The following MBD5 variants were observed in gnomAD, a reference collection of about 807,000 sequenced individuals.
MBD5 encodes methyl-CpG-binding domain protein 5.
MBD5 carries 13 observed loss-of-function variants against 117.3 expected under a neutral mutation model. That is an observed-to-expected ratio of 0.11 (90% CI 0.07 to 0.18). The LOEUF (loss-of-function observed/expected upper bound fraction) is 0.18. Ranked by LOEUF, MBD5 falls within the 10% of genes least tolerant of loss-of-function variation. MBD5 has a pLI of 1.00. For missense variants in MBD5, 1,879 were observed against 2,093.8 expected, an observed-to-expected ratio of 0.90 and a Z score of 2.00; for synonymous variants, 727 against 766.4, an observed-to-expected ratio of 0.95 and a Z score of 0.85.
chr2:148,425,137 C>T (rs181267148), intron 4 of MBD5, among the ~76,000 whole-genome samples: 83 of 151,892 alleles, frequency 5.5e-4, no homozygotes, highest in Non-Finnish European at 9.1e-4. Flanking sequence ...AGACCACTAG[C>T]CAGACTAATA....
intron 4 of MBD5, among the ~76,000 whole-genome samples, chr2:148,367,847 G>A (rs1259326084): frequency 1.3e-5 from 2 of 151,976 alleles, no homozygotes; most frequent in Non-Finnish European, 2.9e-5. Flanking sequence ...GAAGGGGATG[G>A]GGAGAAATAG....
chr2:148,236,678 C>T (rs1700098086), intron 3 of MBD5, among the ~76,000 whole-genome samples: 1 of 152,034 alleles, frequency 6.6e-6, no homozygotes, highest in Non-Finnish European at 1.5e-5. Flanking sequence ...TCTTAAGGGC[C>T]CTGGGATTAT....
At chr2:148,266,333 A>G (rs1700859834) in intron 3 of MBD5, among the ~76,000 whole-genome samples, 1 of 152,140 alleles carries the variant, frequency 6.6e-6, no homozygotes. Context: ...AGCATTCAAT[A>G]AAATTGAACA....
chr2:148,438,815 G>C (rs948789377), intron 4 of MBD5, among the ~76,000 whole-genome samples: 1 of 152,294 alleles, frequency 6.6e-6, no homozygotes. Context: ...GAAGAGACCT[G>C]TTTGCCTTTT....
intron 1 of MBD5, among the ~76,000 whole-genome samples, chr2:148,061,848 C>T (rs1695044507): frequency 6.6e-6 from 1 of 151,520 alleles, no homozygotes; most frequent in Non-Finnish European, 1.5e-5. Flanking sequence ...CTTTAGAAAG[C>T]TTTAGATTTT....
intron 1 of MBD5, among the ~76,000 whole-genome samples, chr2:148,123,649 T>C (rs539346309): frequency 3.2e-4 from 48 of 152,348 alleles, no homozygotes; most frequent in African/African-American, 1.0e-3. Flanking sequence ...ACTGGAAATT[T>C]ACCTCTAATA....
intron 3 of MBD5, among the ~76,000 whole-genome samples, chr2:148,268,068 G>A (rs989504443): frequency 1.1e-4 from 16 of 150,322 alleles, no homozygotes; most frequent in Admixed American, 3.3e-4. Context: ...TCCCACCTTG[G>A]CCTCCTGAGT....
At chr2:148,414,375 C>G (rs1406454288) in intron 4 of MBD5, among the ~76,000 whole-genome samples, 2 of 152,128 alleles carry the variant, frequency 1.3e-5, no homozygotes, top group African/African-American at 4.8e-5. Flanking sequence ...AATTCTCTTA[C>G]AGCCAAATGT....
chr2:148,364,555 C>A (rs1703638144), intron 4 of MBD5, among the ~76,000 whole-genome samples: 1 of 152,014 alleles, frequency 6.6e-6, no homozygotes, highest in South Asian at 2.1e-4. Flanking sequence ...GCAAATCGGA[C>A]AAAGTGTCAA....
intron 1 of MBD5, among the ~76,000 whole-genome samples, chr2:148,072,240 A>T (rs1421355196): frequency 6.6e-6 from 1 of 152,218 alleles, no homozygotes; most frequent in East Asian, 1.9e-4. Context: ...TAGACTACAC[A>T]AACTTATGTA....
intron 4 of MBD5, chr2:148,346,899 A>G (rs1263018010): frequency 6.6e-6 from 1 of 151,886 alleles, no homozygotes; most frequent in Non-Finnish European, 1.5e-5. Context: ...AAAAACTATT[A>G]TAGAAAGTCA....
At chr2:148,170,009 C>T (rs376870689) in intron 1 of MBD5, among the ~76,000 whole-genome samples, 25 of 152,078 alleles carry the variant, frequency 1.6e-4, no homozygotes, top group South Asian at 6.2e-4. Flanking sequence ...GCCATTCTCC[C>T]GCCTCAGCCT....
chr2:148,481,590 G>GTATTACA (rs1391842078), intron 8 of MBD5: 2 of 152,116 alleles, frequency 1.3e-5, no homozygotes, highest in Non-Finnish European at 2.9e-5. Flanking sequence ...TCAAATGCAT[G>GTATTACA]TATTACATAA....
chr2:148,491,341 G>T (rs1234471824), intron 11 of MBD5, among the ~76,000 whole-genome samples: 4 of 149,174 alleles, frequency 2.7e-5, no homozygotes, highest in African/African-American at 7.5e-5. Context: ...GGTGGAATTG[G>T]CTCACTAGGC....
chr2:148,286,365 G>A (rs146547278), intron 3 of MBD5, among the ~76,000 whole-genome samples: 224 of 152,236 alleles, frequency 1.5e-3, no homozygotes, highest in African/African-American at 5.0e-3. Flanking sequence ...ATTCATCAGA[G>A]TTATGATCAT....
chr2:148,052,060 G>A (rs1051497907), intron 1 of MBD5, among the ~76,000 whole-genome samples: 2 of 151,764 alleles, frequency 1.3e-5, no homozygotes, highest in African/African-American at 2.4e-5. Context: ...TTCTTGGGTA[G>A]TCTAGCTAAA....
At chr2:148,481,102 A>G (rs1470062339) in intron 8 of MBD5, among the ~76,000 whole-genome samples, 1 of 152,172 alleles carries the variant, frequency 6.6e-6, no homozygotes, top group East Asian at 1.9e-4. Context: ...AATCATGCCA[A>G]TTACGAAATT....
intron 4 of MBD5, among the ~76,000 whole-genome samples, chr2:148,442,993 T>A (rs1280518706): frequency 6.6e-6 from 1 of 151,338 alleles, no homozygotes; most frequent in African/African-American, 2.5e-5. Context: ...ACAAACTACC[T>A]ATCTGACAGG....
intron 2 of MBD5, among the ~76,000 whole-genome samples, chr2:148,225,665 T>G (rs1699801352): frequency 6.6e-6 from 1 of 152,170 alleles, no homozygotes; most frequent in Non-Finnish European, 1.5e-5. Flanking sequence ...TCCCTAAGCT[T>G]TTGTTTGTCT....
Sources: gnomAD v4.1 joint callset for allele counts (sites outside exome capture counted in the v4.1 genomes callset) on GRCh38, gnomAD v4.1.1 for gene constraint, MANE v1.5 for transcripts, NCBI Gene and HGNC (gene_info 2026-07-23, HGNC 2026-07-21) for gene names.